The following LRP1B variants were observed in gnomAD, a reference collection of about 807,000 sequenced individuals.
LRP1B encodes low-density lipoprotein receptor-related protein 1B.
LRP1B carries 217 observed loss-of-function variants against 556.6 expected under a neutral mutation model. The observed-to-expected ratio is 0.39, with a 90% CI of 0.35 to 0.44. The LOEUF is 0.44. LRP1B is among the 20% of genes least tolerant of loss of function. The pLI is 1.00. For missense variants in LRP1B, 5,053 were observed against 5,620.8 expected (o/e 0.90, Z 3.23); for synonymous variants, 2,047 against 1,865.8 (o/e 1.10, Z -2.50).
chr2:140,442,559 C>T lies in LRP1B; in HGVS notation c.10359G>A (p.Leu3453=). Reference sequence around the variant, plus strand: ...AGTCTGGATCCTCGTCACAAACCCACAGCTTGGAAATGCAATGCTTCGTAG... The same window carrying T: ...AGTCTGGATCCTCGTCACAAACCCATAGCTTGGAAATGCAATGCTTCGTAG... ...CKTTKHCISK[L]WVCDEDPDCA... The change falls in exon 66 of 91, where the codon CTG becomes CTA. Residue 3453 remains leucine (L), a synonymous_variant. Transcript: ENST00000389484. 6.2e-7 allele frequency: 1 copy of T among 1,614,010 alleles called. No homozygotes were observed. The highest frequency in any genetic ancestry group is 2.2e-5 in the East Asian group (1 of 44,858).
chr2:141,940,140 AAG>A (rs996490440), intron 1 of LRP1B, among the ~76,000 whole-genome samples: 128 of 152,242 alleles, frequency 8.4e-4, no homozygotes, highest in African/African-American at 2.9e-3. Flanking sequence ...GTGACAGAGT[AAG>A]AGAAGATACT....
intron 87 of LRP1B, among the ~76,000 whole-genome samples, chr2:140,243,160 T>C (rs1441423544): frequency 6.6e-6 from 1 of 151,104 alleles, no homozygotes; most frequent in East Asian, 2.0e-4. Flanking sequence ...ATGACACAGA[T>C]ACAGATATAT....
At chr2:140,552,183 C>A (rs1264852549) in intron 43 of LRP1B, among the ~76,000 whole-genome samples, 2 of 152,082 alleles carry the variant, frequency 1.3e-5, no homozygotes, top group Non-Finnish European at 2.9e-5. Context: ...GGAAGATAGT[C>A]ATTTCTTTGA....
At chr2:141,513,909 T>A (rs1180936197) in intron 2 of LRP1B, among the ~76,000 whole-genome samples, 2 of 152,120 alleles carry the variant, frequency 1.3e-5, no homozygotes, top group Non-Finnish European at 2.9e-5. Context: ...TCATCAGTTG[T>A]TAAACTGTAG....
chr2:141,002,872 T>C (rs1366521330), intron 15 of LRP1B, among the ~76,000 whole-genome samples: 3 of 152,004 alleles, frequency 2.0e-5, no homozygotes, highest in Non-Finnish European at 4.4e-5. Flanking sequence ...ATATTTTTAT[T>C]AAAAAAGGAC....
chr2:141,798,079 G>A (rs970822676), intron 2 of LRP1B, among the ~76,000 whole-genome samples: 1 of 152,122 alleles, frequency 6.6e-6, no homozygotes, highest in Non-Finnish European at 1.5e-5. Context: ...ACCTATGTAA[G>A]GGTTATATAA....
At chr2:141,296,711 A>T (rs999587518) in intron 3 of LRP1B, among the ~76,000 whole-genome samples, 1 of 152,180 alleles carries the variant, frequency 6.6e-6, no homozygotes, top group Non-Finnish European at 1.5e-5. Flanking sequence ...CCCTTTTAGA[A>T]AATAATTTTA....
intron 41 of LRP1B, among the ~76,000 whole-genome samples, chr2:140,609,516 A>C (rs1270869360): frequency 3.9e-5 from 6 of 152,148 alleles, no homozygotes; most frequent in Admixed American, 3.9e-4. Context: ...TCAATATCTC[A>C]GTATAAAATA....
intron 2 of LRP1B, among the ~76,000 whole-genome samples, chr2:141,716,215 G>C (rs546128299): frequency 6.6e-6 from 1 of 152,268 alleles, no homozygotes; most frequent in South Asian, 2.1e-4. Context: ...AGAGAACAGT[G>C]TTTCTGCATT....
chr2:140,283,453 C>T (rs1682999025), intron 84 of LRP1B, among the ~76,000 whole-genome samples: 1 of 151,446 alleles, frequency 6.6e-6, no homozygotes, highest in South Asian at 2.1e-4. Flanking sequence ...TGAAAGCATG[C>T]CTAAGGAAAT....
At chr2:141,204,261 A>G (rs1222323972) in intron 6 of LRP1B, among the ~76,000 whole-genome samples, 1 of 152,348 alleles carries the variant, frequency 6.6e-6, no homozygotes, top group East Asian at 1.9e-4. Context: ...TGTTTTTTCA[A>G]GAATCAAGTC....
At chr2:140,461,840 TA>T (rs200954050) in intron 60 of LRP1B, among the ~76,000 whole-genome samples, 2,300 of 146,424 alleles carry the variant, frequency 0.016, 64 homozygotes, top group African/African-American at 0.055. Flanking sequence ...TCTCAAAAAA[TA>T]AAAAAAAAAT....
At chr2:140,934,690 C>T (rs527660496) in intron 20 of LRP1B, among the ~76,000 whole-genome samples, 1 of 152,170 alleles carries the variant, frequency 6.6e-6, no homozygotes, top group Non-Finnish European at 1.5e-5. Flanking sequence ...TTCTGGGATC[C>T]GTGCTTTGAT....
intron 46 of LRP1B, 44 bp downstream of exon 46, chr2:140,536,537 A>C (rs776433558): frequency 1.9e-6 from 3 of 1,577,078 alleles, no homozygotes; most frequent in Admixed American, 2.0e-5. Flanking sequence ...GTAAAGAATC[A>C]GAAAACTTTA....
chr2:140,255,685 G>T (rs72910135), intron 86 of LRP1B, among the ~76,000 whole-genome samples: 5,617 of 152,222 alleles, frequency 0.037, 117 homozygotes, highest in South Asian at 0.083. Context: ...AAACATGGAA[G>T]AGGCATAGTT....
chr2:141,730,380 C>T lies in LRP1B; in HGVS notation c.205+79899G>A, dbSNP rs146114111. Reference sequence around the variant, plus strand: ...GAGCTGCCAAGAGAAGAAGCTGAGACGTCCACAGATTTGAATCACATCTGA... The same window carrying T: ...GAGCTGCCAAGAGAAGAAGCTGAGATGTCCACAGATTTGAATCACATCTGA... On this transcript the variant is annotated intron_variant, in intron 2 of 90. Transcript: ENST00000389484. Among the ~76,000 whole-genome samples the T allele has an allele frequency of 1.9e-3, 293 of 152,180 alleles. 3 individuals are homozygous for T. The highest frequency in any genetic ancestry group is 4.6e-3 in the Admixed American group (71 of 15,282).
At position 140,426,055 on chromosome 2, in the gene LRP1B, T is replaced by C. The variant is rs140733831; in HGVS notation, c.10414+16449A>G. ...CAAGTAGAATATTAAAGAAAACAGA[T>C]AATACAAACTGAGCCCAATGCTGTG... On this transcript the variant is annotated intron_variant, in intron 66 of 90. Coordinates refer to ENST00000389484, the MANE Select transcript of LRP1B (RefSeq NM_018557.3). 2.4e-3 allele frequency among the ~76,000 whole-genome samples: 371 copies of C among 152,284 alleles called. 1 individual carries two copies. The highest frequency in any genetic ancestry group is 8.3e-3 in the African/African-American group (343 of 41,568).
chr2:140,427,059 ATTCCT>A (rs1440151777), intron 66 of LRP1B, among the ~76,000 whole-genome samples: 4 of 152,022 alleles, frequency 2.6e-5, no homozygotes, highest in Non-Finnish European at 5.9e-5. Context: ...CTTAATTTCA[ATTCCT>A]TTCATTTTCT....
At chr2:141,320,849 G>A (rs1687211747) in intron 3 of LRP1B, among the ~76,000 whole-genome samples, 1 of 152,040 alleles carries the variant, frequency 6.6e-6, no homozygotes, top group Admixed American at 6.6e-5. Context: ...TCTATGTAAT[G>A]ACATGTGAGA....
Sources: gnomAD v4.1 joint callset for allele counts (sites outside exome capture counted in the v4.1 genomes callset) on GRCh38, gnomAD v4.1.1 for gene constraint, MANE v1.5 for transcripts, NCBI Gene and HGNC (gene_info 2026-07-23, HGNC 2026-07-21) for gene names.